The following BUB3 variants were observed in gnomAD, a reference collection of about 807,000 sequenced individuals.
BUB3 encodes mitotic checkpoint protein BUB3.
Under a neutral mutation model 39.9 loss-of-function variants are expected in BUB3, and 22 were observed. The observed-to-expected ratio is 0.55, with a 90% CI of 0.39 to 0.79. BUB3 has a LOEUF of 0.79. Among genes scored for constraint, BUB3 ranks in the 30% least tolerant of loss-of-function variants. The pLI is 0.00. For missense variants in BUB3, 303 were observed against 415.4 expected (o/e 0.73, Z 2.35); for synonymous variants, 168 against 155.1 (o/e 1.08, Z -0.62).
In BUB3 at chr10:123,169,708, A is replaced by G. The variant is rs1223597932; in HGVS notation, c.*5873A>G. ...CAAATCTTTGAGCCCACTCACTCAG[A>G]GGGCCTGTCACTCATCCAGAATTGA... On this transcript the variant is annotated 3_prime_UTR_variant, in exon 8 of 8. Coordinates refer to ENST00000368865, the MANE Select transcript of BUB3 (RefSeq NM_004725.4). 6.6e-6 allele frequency: 1 copy of G among 152,222 alleles called. No individual in the cohort carries two copies. The highest frequency in any genetic ancestry group is 1.5e-5 in the Non-Finnish European group (1 of 68,044). 9.4% of individuals were successfully genotyped at this position (152,222 alleles called of 1,614,324 possible). A position where few individuals can be genotyped will look rare whatever the true frequency, so the allele number is the denominator to read the frequency against.
chr10:123,159,584 A>G (rs1490582993), intron 4 of BUB3, among the ~76,000 whole-genome samples: 1 of 152,226 alleles, frequency 6.6e-6, no homozygotes, highest in Non-Finnish European at 1.5e-5. Context: ...ATATTTGCAA[A>G]TAAACCACTA....
rs143101013 is a variant in BUB3 at position 123,159,693 on chromosome 10, A to G, written c.418-714A>G. Among the ~76,000 whole-genome samples the G allele has an allele frequency of 1.6e-4, 25 of 152,358 alleles. No homozygotes were observed. In the East Asian group the frequency reaches 4.8e-3, roughly 29 times the overall value. On this transcript the variant is annotated intron_variant, in intron 4 of 7. Coordinates refer to ENST00000368865, the MANE Select transcript of BUB3 (RefSeq NM_004725.4). ...CATTATAAGGGGAAAAATAGGGGAT[A>G]CACTACTTTTAAAAATTTTCCCTAA...
chr10:123,163,813 C>T lies in BUB3; in HGVS notation c.972-7C>T, dbSNP rs116437658. On this transcript the variant is annotated splice_polypyrimidine_tract_variant and splice_region_variant and intron_variant, in intron 7 of 7. Transcript: ENST00000368865. ...CATGCTGTTCTTTTTTTCTTTTGAA[C>T]TTGTAGGTCACCATGTACTTGACAA... 286 of 1,605,782 alleles carry T rather than the reference C, an allele frequency of 1.8e-4. No homozygotes were observed. In the African/African-American group the frequency reaches 3.4e-3, roughly 19 times the overall value.
At position 123,166,362 on chromosome 10, in the gene BUB3, AC is replaced by A. The variant is rs1844492631; in HGVS notation, c.*2528del. ...CCAAGTAAGAAATACATTTTGAACT[AC>A]AGTTCAGAACACAGAGGTCAGTATA... On this transcript the variant is annotated 3_prime_UTR_variant, in exon 8 of 8. Coordinates refer to ENST00000368865, the MANE Select transcript of BUB3 (RefSeq NM_004725.4). 6.6e-6 allele frequency: 1 copy of A among 152,188 alleles called. No homozygotes were observed. The highest frequency in any genetic ancestry group is 1.5e-5 in the Non-Finnish European group (1 of 68,040). 9.4% of individuals were successfully genotyped at this position (152,188 alleles called of 1,614,324 possible).
rs1045037421 is a variant in BUB3, at chr10:123,158,948, G to A, written c.417+1068G>A. ...TCAGTGGGGATAGAAAGCACTATTA[G>A]AAGCTTGTGTGTCACCTATATAGTA... is the stretch of plus-strand genomic sequence containing the variant. On this transcript the variant is annotated intron_variant, in intron 4 of 7. Coordinates refer to ENST00000368865, the MANE Select transcript of BUB3 (RefSeq NM_004725.4). 3.3e-5 allele frequency among the ~76,000 whole-genome samples: 5 copies of A among 152,196 alleles called. No individual in the cohort carries two copies. The South Asian group carries it at 1.0e-3, about 32-fold the overall frequency.
In BUB3 at chr10:123,168,345, G is replaced by A. The variant is rs1844512836; in HGVS notation, c.*4510G>A. 6.6e-6 allele frequency: 1 copy of A among 152,164 alleles called. No individual in the cohort carries two copies. Among genetic ancestry groups the A allele is most frequent in the Non-Finnish European group, 1.5e-5 (1 of 68,038 alleles). The allele number at this position is 152,164 out of a possible 1,614,324, so 9.4% of individuals were successfully genotyped here. ...AAATGCCTGGGTAGACAAATTTAAA[G>A]ATGTTATTTGGGATGGTGTGACTTG... On this transcript the variant is annotated 3_prime_UTR_variant, in exon 8 of 8. Coordinates refer to ENST00000368865, the MANE Select transcript of BUB3 (RefSeq NM_004725.4).
chr10:123,159,296 G>T (rs970032385), intron 4 of BUB3, among the ~76,000 whole-genome samples: 4 of 152,208 alleles, frequency 2.6e-5, no homozygotes, highest in Non-Finnish European at 5.9e-5. Context: ...ATGGTATGTG[G>T]TTAACATACT....
chr10:123,155,128 C>T lies in BUB3; in HGVS notation c.195+16C>T. 6.2e-7 allele frequency: 1 copy of T among 1,611,182 alleles called. No homozygotes were observed. Among genetic ancestry groups the T allele is most frequent in the Non-Finnish European group, 8.5e-7 (1 of 1,178,648 alleles). On this transcript the variant is annotated intron_variant, in intron 2 of 7. Transcript: ENST00000368865. ...CGCCTTCTACGTAGGTGCCCTCCCG[C>T]CCTGCTCCTGCCCTCTTACTGTGTT... is the stretch of plus-strand genomic sequence containing the variant.
Position 123,164,289 on chromosome 10 carries a change from T to C in BUB3, c.*454T>C. 1.0e-6 allele frequency: 1 copy of C among 986,592 alleles called. No individual in the cohort carries two copies. 61.1% of individuals were successfully genotyped at this position (986,592 alleles called of 1,614,324 possible). ...TCAGACTGCTTCATGAGGAGGTTAATCTACAATTAAACAATATTTCCTCTT... is the reference window on the plus strand; with the variant it reads ...TCAGACTGCTTCATGAGGAGGTTAACCTACAATTAAACAATATTTCCTCTT... On this transcript the variant is annotated 3_prime_UTR_variant, in exon 8 of 8. Coordinates refer to ENST00000368865, the MANE Select transcript of BUB3 (RefSeq NM_004725.4).
At chr10:123,157,936 G>C in intron 4 of BUB3, 56 bp downstream of exon 4, 1 of 1,499,906 alleles carries the variant, frequency 6.7e-7, no homozygotes, top group Admixed American at 2.1e-5. Flanking sequence ...TTTTTGTCTT[G>C]GTGCATGATT....
At chr10:123,157,050 G>A (rs1294759925) in intron 3 of BUB3, among the ~76,000 whole-genome samples, 1 of 152,060 alleles carries the variant, frequency 6.6e-6, no homozygotes, top group Non-Finnish European at 1.5e-5. Flanking sequence ...ACCATATATT[G>A]TTCATTCCTA....
intron 4 of BUB3, 108 bp from the exon 5 acceptor site, chr10:123,160,295 TTCAG>T (rs1246424480): frequency 1.0e-6 from 1 of 954,280 alleles, no homozygotes; most frequent in Non-Finnish European, 1.5e-6. Flanking sequence ...GATTGGGGAA[TTCAG>T]TCAGCTAATT....
In BUB3 at chr10:123,165,962, A is replaced by G; in HGVS notation, c.*2127A>G. ...GAAAGAATTAATATAGTATTGTTATAGGTAACCAAATTATAGTAATGTGGA... is the reference window on the plus strand; with the variant it reads ...GAAAGAATTAATATAGTATTGTTATGGGTAACCAAATTATAGTAATGTGGA... On this transcript the variant is annotated 3_prime_UTR_variant, in exon 8 of 8. Transcript: ENST00000368865. 1 of 152,342 alleles carries G rather than the reference A, an allele frequency of 6.6e-6. No individual in the cohort carries two copies. Among genetic ancestry groups the G allele is most frequent in the African/African-American group, 2.4e-5 (1 of 41,584 alleles). 9.4% of individuals were successfully genotyped at this position (152,342 alleles called of 1,614,324 possible).
chr10:123,161,324 G>T (rs1844420482), intron 5 of BUB3, among the ~76,000 whole-genome samples: 1 of 152,088 alleles, frequency 6.6e-6, no homozygotes, highest in South Asian at 2.1e-4. Flanking sequence ...TATTCTCTTT[G>T]CTTTTTAACC....
Position 123,167,079 on chromosome 10 carries a change from GT to G in BUB3, c.*3247del, listed in dbSNP as rs1844501950. 6.6e-6 allele frequency: 1 copy of G among 152,124 alleles called. No individual in the cohort carries two copies. Among genetic ancestry groups the G allele is most frequent in the Admixed American group, 6.5e-5 (1 of 15,276 alleles). The allele number at this position is 152,124 out of a possible 1,614,324, so 9.4% of individuals were successfully genotyped here. ...CACTACAACGAATCCTTGTAAATTTGTTTAACTCAGTTTTCCCCAAATTCAT... is the reference window on the plus strand; with the variant it reads ...CACTACAACGAATCCTTGTAAATTTGTTAACTCAGTTTTCCCCAAATTCAT... On this transcript the variant is annotated 3_prime_UTR_variant, in exon 8 of 8. Transcript: ENST00000368865.
At chr10:123,154,680 G>A (rs1844322195) in intron 1 of BUB3, among the ~76,000 whole-genome samples, 195 bp downstream of exon 1, 1 of 152,204 alleles carries the variant, frequency 6.6e-6, no homozygotes, top group African/African-American at 2.4e-5. Flanking sequence ...CATCGCTGTG[G>A]GCCGGGCTGG....
chr10:123,154,778 G>C, intron 1 of BUB3, 140 bp from the exon 2 acceptor site: 1 of 901,614 alleles, frequency 1.1e-6, no homozygotes, highest in Non-Finnish European at 1.6e-6. Context: ...GCGGGCGAGT[G>C]CTCGGCGCAG....
At position 123,161,806 on chromosome 10, in the gene BUB3, CTAGTTGATTTGGATTA is replaced by C. The variant is rs534134233; in HGVS notation, c.577-428_577-413del. 1.7e-3 allele frequency among the ~76,000 whole-genome samples: 256 copies of C among 152,294 alleles called. 1 individual carries two copies. Among genetic ancestry groups the C allele is most frequent in the Middle Eastern group, 3.4e-3 (1 of 294 alleles). ...ATGACTGAGATGGAAGACTGGTGTT[CTAGTTGATTTGGATTA>C]TTGATGCCCCCAATGAAGGAAACAC... On this transcript the variant is annotated intron_variant, in intron 5 of 7. Transcript: ENST00000368865.
At position 123,168,293 on chromosome 10, in the gene BUB3, A is replaced by G. The variant is rs1000855564; in HGVS notation, c.*4458A>G. The G allele has an allele frequency of 6.6e-6, 1 of 152,234 alleles. No homozygotes were observed. Among genetic ancestry groups the G allele is most frequent in the African/African-American group, 2.4e-5 (1 of 41,460 alleles). 9.4% of individuals were successfully genotyped at this position (152,234 alleles called of 1,614,324 possible). ...ATTTTCTGTATATTTCTCTAACAGC[A>G]AAAGTTTTTGTTAGCTACATCATGT... On this transcript the variant is annotated 3_prime_UTR_variant, in exon 8 of 8. Coordinates refer to ENST00000368865, the MANE Select transcript of BUB3 (RefSeq NM_004725.4).
Sources: gnomAD v4.1 joint callset for allele counts (sites outside exome capture counted in the v4.1 genomes callset) on GRCh38, gnomAD v4.1.1 for gene constraint, MANE v1.5 for transcripts, NCBI Gene and HGNC (gene_info 2026-07-23, HGNC 2026-07-21) for gene names.